The following CALN1 variants were observed in gnomAD, a reference collection of about 807,000 sequenced individuals.
The protein encoded by CALN1 is calneuron 1, also known as calcium-binding protein 8.
CALN1 carries 17 observed loss-of-function variants against 30.6 expected under a neutral mutation model. The observed-to-expected ratio is 0.56, with a 90% confidence interval of 0.38 to 0.83. The LOEUF is 0.83. Among genes scored for constraint, CALN1 ranks in the 40% least tolerant of loss-of-function variants. The pLI is 0.00. For missense variants in CALN1, 291 were observed against 354.9 expected, an observed-to-expected ratio of 0.82 and a Z score of 1.45; for synonymous variants, 156 against 131.4, an observed-to-expected ratio of 1.19 and a Z score of -1.28.
intron 2 of CALN1, among the ~76,000 whole-genome samples, chr7:72,287,048 C>T (rs767858517): frequency 3.3e-5 from 5 of 152,180 alleles, no homozygotes; most frequent in African/African-American, 1.2e-4. Flanking sequence ...GAATGAAAAT[C>T]TGCATTAAAG....
At chr7:72,278,871 T>G in intron 2 of CALN1, 61 bp from the exon 3 acceptor site, 1 of 1,570,088 alleles carries the variant, frequency 6.4e-7, no homozygotes. Flanking sequence ...CTTCCTTTCC[T>G]TTCTTAAAGG....
At chr7:72,241,438 G>T (rs1794823988) in intron 3 of CALN1, among the ~76,000 whole-genome samples, 1 of 152,080 alleles carries the variant, frequency 6.6e-6, no homozygotes, top group Non-Finnish European at 1.5e-5. Flanking sequence ...CGGGTGCAGG[G>T]GCTCACACCT....
intron 5 of CALN1, among the ~76,000 whole-genome samples, chr7:71,916,675 G>A (rs1794703190): frequency 6.6e-6 from 1 of 152,104 alleles, no homozygotes; most frequent in African/African-American, 2.4e-5. Flanking sequence ...TGTGCTGGGG[G>A]AGGAGGAAAA....
the CALN1 span, among the ~76,000 whole-genome samples, chr7:72,456,258 C>G: frequency 1.3e-5 from 2 of 151,074 alleles, no homozygotes; most frequent in African/African-American, 4.9e-5. Flanking sequence ...CTTGGTGGGT[C>G]GCACCTATAA....
intron 3 of CALN1, among the ~76,000 whole-genome samples, chr7:72,199,473 G>GC (rs748884779): frequency 1.6e-4 from 25 of 152,154 alleles, no homozygotes; most frequent in Non-Finnish European, 3.4e-4. Context: ...GGCAGGCTGA[G>GC]CCGGGGGGCA....
chr7:71,909,135 G>A (rs1245758773), intron 5 of CALN1, among the ~76,000 whole-genome samples: 1 of 152,078 alleles, frequency 6.6e-6, no homozygotes, highest in African/African-American at 2.4e-5. Context: ...TCCCACCTCA[G>A]CCTCCTGAGT....
At chr7:71,949,302 C>G (rs967579885) in intron 5 of CALN1, among the ~76,000 whole-genome samples, 1 of 152,096 alleles carries the variant, frequency 6.6e-6, no homozygotes, top group Admixed American at 6.6e-5. Context: ...GGGTGTACGT[C>G]GAGTAAGTGA....
rs537771130 is a variant in CALN1, at chr7:72,139,444, C to G, written c.245-33150G>C. Among the ~76,000 whole-genome samples the G allele has an allele frequency of 9.9e-5, 15 of 151,858 alleles. No individual in the cohort carries two copies. The South Asian group carries it at 2.9e-3, about 30-fold the overall frequency. ...GCCCACCCTCTTCTACCCACCTCAG[C>G]CACGCCCACCCTCTTCTACCAACTT... On this transcript the variant is annotated intron_variant, in intron 3 of 6. Transcript: ENST00000395275.
At position 71,847,393 on chromosome 7, in the gene CALN1, T is replaced by C. The variant is rs376673743; in HGVS notation, c.502-36901A>G. 6.6e-5 allele frequency among the ~76,000 whole-genome samples: 10 copies of C among 152,100 alleles called. No homozygotes were observed. In the East Asian group the frequency reaches 1.9e-3, roughly 29 times the overall value. ...GGCTGGGTGCAGTGGCTCACGCTTGTAATCCTAGCAGTTTGGGAGGCCAAG... is the reference window on the plus strand; with the variant it reads ...GGCTGGGTGCAGTGGCTCACGCTTGCAATCCTAGCAGTTTGGGAGGCCAAG... On this transcript the variant is annotated intron_variant, in intron 5 of 6. Coordinates refer to ENST00000395275, the MANE Select transcript of CALN1 (RefSeq NM_031468.4).
intron 1 of CALN1, among the ~76,000 whole-genome samples, chr7:72,419,053 T>C (rs1380057618): frequency 6.6e-6 from 1 of 151,970 alleles, no homozygotes; most frequent in Non-Finnish European, 1.5e-5. Context: ...CTCTACCCAT[T>C]GAAAAGCCTA....
At chr7:72,121,423 T>C (rs1808384743) in intron 3 of CALN1, among the ~76,000 whole-genome samples, 1 of 146,648 alleles carries the variant, frequency 6.8e-6, no homozygotes, top group African/African-American at 2.5e-5. Flanking sequence ...ATGTATAATA[T>C]AGATATCATG....
intron 6 of CALN1, among the ~76,000 whole-genome samples, chr7:71,792,016 G>T: frequency 6.8e-6 from 1 of 147,818 alleles, no homozygotes; most frequent in Admixed American, 6.8e-5. Flanking sequence ...CTCAAAAAAA[G>T]AAAAAAAAAA....
At chr7:72,254,868 G>C (rs894077014) in intron 3 of CALN1, among the ~76,000 whole-genome samples, 1 of 152,122 alleles carries the variant, frequency 6.6e-6, no homozygotes, top group African/African-American at 2.4e-5. Flanking sequence ...CCAGGTTCAA[G>C]CAATTCTCCT....
At chr7:72,011,109 C>T (rs1221216640) in intron 5 of CALN1, among the ~76,000 whole-genome samples, 6 of 150,336 alleles carry the variant, frequency 4.0e-5, no homozygotes, top group Non-Finnish European at 7.4e-5. Flanking sequence ...GCCGAGATGG[C>T]GCCACTGCAC....
chr7:71,837,036 C>A (rs193235675), intron 5 of CALN1, among the ~76,000 whole-genome samples: 32 of 151,396 alleles, frequency 2.1e-4, no homozygotes, highest in African/African-American at 7.5e-4. Context: ...GTTCGAGTTC[C>A]GCCTGGCCAA....
intron 2 of CALN1, among the ~76,000 whole-genome samples, chr7:72,353,818 A>T (rs1803074281): frequency 6.6e-6 from 1 of 152,238 alleles, no homozygotes; most frequent in Admixed American, 6.5e-5. Context: ...TATTTGAATG[A>T]AAGTGACCTT....
At chr7:72,172,490 C>A (rs928463433) in intron 3 of CALN1, among the ~76,000 whole-genome samples, 3 of 152,132 alleles carry the variant, frequency 2.0e-5, no homozygotes, top group African/African-American at 7.2e-5. Context: ...AAAGAAAACT[C>A]CAGACCAATA....
intron 4 of CALN1, among the ~76,000 whole-genome samples, chr7:72,055,069 A>G (rs1803165714): frequency 6.6e-6 from 1 of 152,226 alleles, no homozygotes; most frequent in Admixed American, 6.5e-5. Context: ...GATCGCTGAC[A>G]TCCACAGAGC....
At chr7:72,044,687 T>C (rs560598008) in intron 4 of CALN1, among the ~76,000 whole-genome samples, 16 of 146,336 alleles carry the variant, frequency 1.1e-4, no homozygotes, top group Middle Eastern at 3.5e-3. Flanking sequence ...TCACAGCTCA[T>C]TGCAGGCTCG....
Sources: gnomAD v4.1 joint callset for allele counts (sites outside exome capture counted in the v4.1 genomes callset) on GRCh38, gnomAD v4.1.1 for gene constraint, MANE v1.5 for transcripts, NCBI Gene and HGNC (gene_info 2026-07-23, HGNC 2026-07-21) for gene names.